Variants in ULK4 observed in about 807,000 individuals in gnomAD.
ULK4 encodes inactive serine/threonine-protein kinase ULK4.
In ULK4, 133 loss-of-function variants were observed where a neutral mutation model predicts 160.6. The observed-to-expected ratio is 0.83, with a 90% CI of 0.72 to 0.96. ULK4 has a LOEUF of 0.96. Among genes scored for constraint, ULK4 ranks in the 40% least tolerant of loss-of-function variants. ULK4 has a pLI of 0.00. For missense variants in ULK4, 1,580 were observed against 1,499.5 expected, an observed-to-expected ratio of 1.05 and a Z score of -0.89; for synonymous variants, 534 against 539.8, an observed-to-expected ratio of 0.99 and a Z score of 0.15.
intron 35 of ULK4, among the ~76,000 whole-genome samples, chr3:41,286,827 CT>C (rs2079468810): frequency 6.6e-6 from 1 of 152,210 alleles, no homozygotes; most frequent in African/African-American, 2.4e-5. Flanking sequence ...GTCAAAGTCG[CT>C]CTGTAAAACC....
intron 11 of ULK4, among the ~76,000 whole-genome samples, chr3:41,910,781 G>C (rs911547127): frequency 1.3e-5 from 2 of 152,078 alleles, no homozygotes; most frequent in African/African-American, 4.8e-5. Flanking sequence ...ACCAGCCTGA[G>C]CAACACGGCA....
chr3:41,561,266 C>T (rs568271026), intron 32 of ULK4, among the ~76,000 whole-genome samples: 1 of 152,208 alleles, frequency 6.6e-6, no homozygotes, highest in South Asian at 2.1e-4. Context: ...TTCGGTCTGC[C>T]AGTATTTTAT....
chr3:41,658,497 T>G (rs894926273), intron 30 of ULK4, among the ~76,000 whole-genome samples: 4 of 152,226 alleles, frequency 2.6e-5, no homozygotes, highest in Admixed American at 6.5e-5. Context: ...CAATGTCCTA[T>G]TTCATTAACT....
At chr3:41,788,165 A>G (rs562260962) in intron 21 of ULK4, among the ~76,000 whole-genome samples, 15 of 152,368 alleles carry the variant, frequency 9.8e-5, no homozygotes, top group African/African-American at 3.1e-4. Context: ...ATTAAAGACA[A>G]GAAGTGGTTT....
intron 15 of ULK4, 134 bp downstream of exon 15, chr3:41,896,688 A>G: frequency 1.0e-6 from 1 of 979,624 alleles, no homozygotes; most frequent in Non-Finnish European, 1.4e-6. Context: ...TAAGCAGAGG[A>G]TAATTTTCAT....
At chr3:41,389,796 G>T (rs575429141) in intron 35 of ULK4, among the ~76,000 whole-genome samples, 1 of 152,068 alleles carries the variant, frequency 6.6e-6, no homozygotes, top group Non-Finnish European at 1.5e-5. Context: ...GAGGATTTTT[G>T]CATCGATGTT....
At chr3:41,725,037 T>A (rs1013866104) in intron 22 of ULK4, among the ~76,000 whole-genome samples, 6 of 152,222 alleles carry the variant, frequency 3.9e-5, no homozygotes, top group African/African-American at 1.4e-4. Flanking sequence ...ATATGTTGAT[T>A]ATGAATGTCT....
Position 41,346,781 on chromosome 3 carries a change from T to C in ULK4, c.3678+51298A>G, listed in dbSNP as rs138632007. ...AAAAAGAAGACAGCAAGCAGAGATA[T>C]TCTATCTTTGAGCTCTCTTTTTCTG... is the stretch of plus-strand genomic sequence containing the variant. On this transcript the variant is annotated intron_variant, in intron 35 of 36. Transcript: ENST00000301831. 8.0e-3 allele frequency among the ~76,000 whole-genome samples: 1,226 copies of C among 152,332 alleles called. 65 individuals are homozygous for C. The highest frequency in any genetic ancestry group is 0.072 in the Admixed American group (1,098 of 15,298).
chr3:41,704,005 A>G (rs1487792681), intron 27 of ULK4, among the ~76,000 whole-genome samples: 2 of 152,210 alleles, frequency 1.3e-5, no homozygotes, highest in East Asian at 1.9e-4. Context: ...TCTTTACTTC[A>G]TAATATCTAA....
rs1055326938 is a variant in ULK4, at chr3:41,654,044, G to A, written c.3071+9563C>T. Among the ~76,000 whole-genome samples the A allele has an allele frequency of 5.9e-5, 9 of 152,146 alleles. No homozygotes were observed. The South Asian group carries it at 6.2e-4, about 11-fold the overall frequency. On this transcript the variant is annotated intron_variant, in intron 30 of 36. Coordinates refer to ENST00000301831, the MANE Select transcript of ULK4 (RefSeq NM_017886.4). The stretch of plus-strand genomic sequence containing the variant: ...ATAACTGTTAAGAATTCATGTGACC[G>A]TAAACTCACATCTATGTTAAAAGAA...
intron 34 of ULK4, among the ~76,000 whole-genome samples, chr3:41,431,507 A>G (rs2082906513): frequency 7.1e-6 from 1 of 141,428 alleles, no homozygotes; most frequent in Non-Finnish European, 1.5e-5. Flanking sequence ...TTAATCTTTT[A>G]GCCTTCTCAA....
chr3:41,656,731 G>T (rs2034948416), intron 30 of ULK4, among the ~76,000 whole-genome samples: 1 of 152,116 alleles, frequency 6.6e-6, no homozygotes, highest in Admixed American at 6.5e-5. Flanking sequence ...TCACTGTGGT[G>T]AACAGCACTT....
At chr3:41,936,166 T>G (rs533643808) in intron 3 of ULK4, among the ~76,000 whole-genome samples, 3 of 152,284 alleles carry the variant, frequency 2.0e-5, no homozygotes, top group African/African-American at 7.2e-5. Flanking sequence ...CTGCTCCCTA[T>G]GGATGAATGG....
At chr3:41,583,265 G>T (rs900126491) in intron 31 of ULK4, among the ~76,000 whole-genome samples, 3 of 152,080 alleles carry the variant, frequency 2.0e-5, no homozygotes, top group Non-Finnish European at 2.9e-5. Context: ...CATTAAACAT[G>T]CTCTTAGCTC....
chr3:41,292,148 T>C (rs2125703908), intron 35 of ULK4, among the ~76,000 whole-genome samples: 1 of 152,282 alleles, frequency 6.6e-6, no homozygotes, highest in South Asian at 2.1e-4. Context: ...TGTGATTTTC[T>C]CTAGGTATAT....
At chr3:41,647,653 C>A (rs557874672) in intron 30 of ULK4, among the ~76,000 whole-genome samples, 26 of 152,320 alleles carry the variant, frequency 1.7e-4, no homozygotes, top group Non-Finnish European at 3.7e-4. Flanking sequence ...GGTCAGGGAC[C>A]CACTTGAGGA....
intron 19 of ULK4, among the ~76,000 whole-genome samples, chr3:41,815,927 C>A (rs1387473676): frequency 1.3e-5 from 2 of 152,060 alleles, no homozygotes; most frequent in African/African-American, 4.8e-5. Context: ...TCATAAGATA[C>A]AAAAAGCACA....
At chr3:41,950,802 A>C (rs915231267) in intron 2 of ULK4, among the ~76,000 whole-genome samples, 4 of 152,160 alleles carry the variant, frequency 2.6e-5, no homozygotes, top group African/African-American at 7.2e-5. Flanking sequence ...AACAGGTGGA[A>C]AGACTTACAC....
chr3:41,526,103 C>A (rs1349296484), intron 32 of ULK4, among the ~76,000 whole-genome samples: 1 of 152,156 alleles, frequency 6.6e-6, no homozygotes, highest in Non-Finnish European at 1.5e-5. Context: ...TCTCACACTT[C>A]CTTTGTGCTC....
Sources: allele counts gnomAD v4.1 joint callset (sites outside exome capture counted in the v4.1 genomes callset), GRCh38; gene constraint gnomAD v4.1.1; transcripts MANE v1.5; gene names NCBI Gene and HGNC (gene_info 2026-07-23, HGNC 2026-07-21).